RUNX1: variants seen among roughly 807,000 people sequenced by gnomAD.
The protein encoded by RUNX1 is RUNX family transcription factor 1.
Under a neutral mutation model 42.8 loss-of-function variants are expected in RUNX1, and 19 were observed. The observed-to-expected ratio is 0.44, with a 90% CI of 0.31 to 0.65. The LOEUF (loss-of-function observed/expected upper bound fraction) is 0.65, where lower values mean the gene tolerates loss of function less well. Ranked by LOEUF, RUNX1 falls within the 30% of genes least tolerant of loss-of-function variation. RUNX1 has a pLI of 0.07. For missense variants in RUNX1, 528 were observed against 672.0 expected (o/e 0.79, Z 2.37); for synonymous variants, 271 against 289.4 (o/e 0.94, Z 0.64).
chr21:34,844,657 C>T (rs1009013353), intron 6 of RUNX1, among the ~76,000 whole-genome samples: 2 of 152,170 alleles, frequency 1.3e-5, no homozygotes, highest in Non-Finnish European at 2.9e-5. Flanking sequence ...AATGCTCATC[C>T]AGCAGTGTGG....
intron 6 of RUNX1, chr21:34,856,534 C>T: frequency 2.1e-6 from 1 of 486,002 alleles, no homozygotes; most frequent in Non-Finnish European, 4.1e-6. Flanking sequence ...AAATGAAGGA[C>T]AGCACAGAAG....
intron 7 of RUNX1, among the ~76,000 whole-genome samples, chr21:34,804,505 A>G (rs2056652125): frequency 6.6e-6 from 1 of 152,228 alleles, no homozygotes; most frequent in African/African-American, 2.4e-5. Context: ...CTAAAGGCCT[A>G]CTAAGTTCCT....
chr21:34,858,013 C>T (rs978885939), intron 6 of RUNX1, among the ~76,000 whole-genome samples: 3 of 152,170 alleles, frequency 2.0e-5, no homozygotes, highest in Admixed American at 6.5e-5. Flanking sequence ...AAAATGCAGT[C>T]AGATCTGGAG....
At position 34,924,123 on chromosome 21, in the gene RUNX1, A is replaced by C. The variant is rs149798049; in HGVS notation, c.59-31160T>G. Among the ~76,000 whole-genome samples the C allele has an allele frequency of 7.2e-5, 11 of 152,300 alleles. No homozygotes were observed. The East Asian group carries it at 1.7e-3, about 24-fold the overall frequency. The stretch of plus-strand genomic sequence containing the variant: ...CCATGGTGGTTTTGCCTCTTCCCCT[A>C]TGATGGCTAACTTCTCTTCACAACA... On this transcript the variant is annotated intron_variant, in intron 2 of 8. Coordinates refer to ENST00000675419, the MANE Select transcript of RUNX1 (RefSeq NM_001754.5).
chr21:34,813,966 T>C (rs2056791506), intron 7 of RUNX1, among the ~76,000 whole-genome samples: 1 of 152,144 alleles, frequency 6.6e-6, no homozygotes, highest in African/African-American at 2.4e-5. Flanking sequence ...CTGCTTTAAC[T>C]ACATGATAGT....
chr21:34,888,787 A>C, intron 3 of RUNX1: 2 of 674,074 alleles, frequency 3.0e-6, no homozygotes, highest in Non-Finnish European at 3.7e-6. Context: ...CCGGCGGCCA[A>C]TCACAGGCCT....
chr21:34,999,658 G>T (rs2059025153), intron 2 of RUNX1, among the ~76,000 whole-genome samples: 2 of 152,212 alleles, frequency 1.3e-5, no homozygotes, highest in African/African-American at 4.8e-5. Flanking sequence ...AGATGAAAGG[G>T]GACAGCTGTT....
At chr21:35,040,360 G>A (rs2059348340) in intron 2 of RUNX1, among the ~76,000 whole-genome samples, 1 of 152,188 alleles carries the variant, frequency 6.6e-6, no homozygotes, top group Admixed American at 6.5e-5. Context: ...TTCTGGGGCA[G>A]TAATAAGAAA....
At chr21:35,035,061 T>A (rs146593430) in intron 2 of RUNX1, among the ~76,000 whole-genome samples, 86 of 152,198 alleles carry the variant, frequency 5.7e-4, no homozygotes, top group African/African-American at 2.0e-3. Context: ...CTTGTTAGAT[T>A]TGGTTTGGGT....
chr21:34,982,612 C>T (rs941731591), intron 2 of RUNX1, among the ~76,000 whole-genome samples: 3 of 152,138 alleles, frequency 2.0e-5, no homozygotes, highest in Admixed American at 6.5e-5. Flanking sequence ...CTCTGTCACC[C>T]AGGCTGGAGT....
chr21:34,929,414 C>T (rs2146587312), intron 2 of RUNX1, among the ~76,000 whole-genome samples: 1 of 152,186 alleles, frequency 6.6e-6, no homozygotes, highest in East Asian at 1.9e-4. Flanking sequence ...TTTTTAGGGG[C>T]GGTGGGTGAG....
chr21:35,041,609 G>A (rs2059359485), intron 2 of RUNX1, among the ~76,000 whole-genome samples: 1 of 150,838 alleles, frequency 6.6e-6, no homozygotes, highest in Non-Finnish European at 1.5e-5. Flanking sequence ...GAGAAAAACT[G>A]AATAACAACT....
At chr21:34,852,203 A>AACC (rs2057431749) in intron 6 of RUNX1, among the ~76,000 whole-genome samples, 3 of 151,830 alleles carry the variant, frequency 2.0e-5, no homozygotes, top group Non-Finnish European at 4.4e-5. Flanking sequence ...ACAAAACAAC[A>AACC]ACCACACACA....
intron 2 of RUNX1, among the ~76,000 whole-genome samples, chr21:35,017,636 G>A (rs1347104938): frequency 2.6e-5 from 4 of 152,160 alleles, no homozygotes; most frequent in Admixed American, 2.0e-4. Context: ...AATGAGCAGG[G>A]AACGTGGGAA....
Position 34,792,306 on chromosome 21 carries a change from C to CGGG in RUNX1, c.1271_1272insCCC (p.Pro426dup). 1 of 1,383,096 alleles carries CGGG rather than the reference C, an allele frequency of 7.2e-7. No individual in the cohort carries two copies. The highest frequency in any genetic ancestry group is 9.6e-7 in the Non-Finnish European group (1 of 1,037,934). The allele number at this position is 1,383,096 out of a possible 1,614,324, so 85.7% of individuals were successfully genotyped here. A position where few individuals can be genotyped will look rare whatever the true frequency, so the allele number is the denominator to read the frequency against. ...TGCAGGGCGGCAGGATGCGCGGCGG[C>CGGG]GAGCGCTCGCCGCCCACCATGGAGA... is the stretch of plus-strand genomic sequence containing the variant. On this transcript the variant is annotated inframe_insertion, in exon 9 of 9. Transcript: ENST00000675419. This position sits in a 1 kb window ranked among gnomAD's most constrained non-coding sequence, Gnocchi z 6.9.
chr21:35,037,166 G>A (rs1295771022), intron 2 of RUNX1, among the ~76,000 whole-genome samples: 1 of 152,168 alleles, frequency 6.6e-6, no homozygotes, highest in Non-Finnish European at 1.5e-5. Flanking sequence ...TATCACCTTC[G>A]ATGGATTCTC....
At chr21:34,903,677 A>G (rs2058195061) in intron 2 of RUNX1, among the ~76,000 whole-genome samples, 2 of 152,238 alleles carry the variant, frequency 1.3e-5, no homozygotes, top group South Asian at 4.1e-4. Flanking sequence ...ATTGCCAAAT[A>G]TCAGCCTTAG....
chr21:34,902,562 G>A (rs1203860734), intron 2 of RUNX1, among the ~76,000 whole-genome samples: 1 of 152,140 alleles, frequency 6.6e-6, no homozygotes, highest in Non-Finnish European at 1.5e-5. Context: ...ATCTTCAAAT[G>A]ATAGCTAGGT....
chr21:34,807,676 C>T (rs1235615750), intron 7 of RUNX1, among the ~76,000 whole-genome samples: 3 of 152,148 alleles, frequency 2.0e-5, no homozygotes, highest in Non-Finnish European at 4.4e-5. Flanking sequence ...CCTCAGAACA[C>T]ACAACAGGAT....
Sources: gnomAD v4.1 joint callset for allele counts (sites outside exome capture counted in the v4.1 genomes callset) on GRCh38, gnomAD v4.1.1 for gene constraint, Gnocchi (gnomAD v3.1) non-coding constraint, MANE v1.5 for transcripts, NCBI Gene and HGNC (gene_info 2026-07-23, HGNC 2026-07-21) for gene names.